Variants in AHCY observed in about 807,000 individuals in gnomAD.
AHCY encodes the protein adenosylhomocysteinase, also known as S-adenosyl-L-homocysteine hydrolase.
AHCY carries 24 observed loss-of-function variants against 45.4 expected under a neutral mutation model. The ratio of observed to expected loss-of-function variants is 0.53; its 90% confidence interval spans 0.38 to 0.74. The LOEUF (loss-of-function observed/expected upper bound fraction) is 0.74. Among genes scored for constraint, AHCY ranks in the 30% least tolerant of loss-of-function variants. The pLI is 0.00. For synonymous variants in AHCY, 245 were observed against 235.1 expected, an observed-to-expected ratio of 1.04 and a Z score of -0.39; for missense variants, 449 against 594.1, an observed-to-expected ratio of 0.76 and a Z score of 2.54.
chr20:34,259,997 C>T, the AHCY span, among the ~76,000 whole-genome samples: 1,334 of 152,134 alleles, frequency 8.8e-3, 7 homozygotes, highest in South Asian at 0.017. Flanking sequence ...TGAGGCCCTA[C>T]TGGGGGCCTT....
chr20:34,264,328 G>A, the AHCY span, among the ~76,000 whole-genome samples: 1 of 152,192 alleles, frequency 6.6e-6, no homozygotes, highest in African/African-American at 2.4e-5. Flanking sequence ...GCATGCTCAG[G>A]TGTTGCGAGT....
At position 34,290,310 on chromosome 20, in the gene AHCY, T is replaced by A; in HGVS notation, c.972+22A>T. On this transcript the variant is annotated intron_variant, in intron 8 of 9. Transcript: ENST00000217426. The surrounding 1 kb of genome is among the most constrained non-coding windows in gnomAD (Gnocchi z 4.5). Reference sequence around the variant, plus strand: ...CTGCACTCCCATCTGCCCAGCCCACTGGCAAGGCGGGAGCTTCTCACCTGC... The same window carrying A: ...CTGCACTCCCATCTGCCCAGCCCACAGGCAAGGCGGGAGCTTCTCACCTGC... 1 of 1,610,324 alleles carries A rather than the reference T, an allele frequency of 6.2e-7. No individual in the cohort carries two copies. Among genetic ancestry groups the A allele is most frequent in the East Asian group, 2.2e-5 (1 of 44,872 alleles).
the AHCY span, chr20:34,241,602 T>C: frequency 1.1e-6 from 1 of 936,076 alleles, no homozygotes. Context: ...AAACAGATTT[T>C]TTTGATTCAC....
rs979342358 is a variant in AHCY, at chr20:34,281,665, C to T, written c.1168-500G>A. 5 of 199,816 alleles carry T rather than the reference C, an allele frequency of 2.5e-5. No individual in the cohort carries two copies. The South Asian group carries it at 4.6e-4, about 18-fold the overall frequency. The allele number at this position is 199,816 out of a possible 1,614,324, so 12.4% of individuals were successfully genotyped here. On this transcript the variant is annotated intron_variant, in intron 9 of 9. Coordinates refer to ENST00000217426, the MANE Select transcript of AHCY (RefSeq NM_000687.4). Reference sequence around the variant, plus strand: ...ATCCTAGGTTTCCAGTGTTTGGATCCGAGAATAAAGTTCTTTTTTTTGTGA... The same window carrying T: ...ATCCTAGGTTTCCAGTGTTTGGATCTGAGAATAAAGTTCTTTTTTTTGTGA...
the AHCY span, among the ~76,000 whole-genome samples, chr20:34,263,675 C>CT: frequency 1.0e-4 from 13 of 126,326 alleles, no homozygotes; most frequent in Non-Finnish European, 1.6e-4. Flanking sequence ...TTTTTTTTTT[C>CT]TTTTTTTTTG....
the AHCY span, among the ~76,000 whole-genome samples, chr20:34,238,359 C>A: frequency 3.9e-5 from 6 of 152,020 alleles, no homozygotes; most frequent in Non-Finnish European, 7.4e-5. Context: ...TATTTATGTT[C>A]CTCAGACTCA....
the AHCY span, among the ~76,000 whole-genome samples, chr20:34,263,908 TG>T: frequency 6.6e-6 from 1 of 152,052 alleles, no homozygotes; most frequent in East Asian, 1.9e-4. Flanking sequence ...TGACCTCAGG[TG>T]ATCCACCTGC....
chr20:34,302,828 A>C (rs1275572498), intron 1 of AHCY: 2 of 985,244 alleles, frequency 2.0e-6, no homozygotes, highest in East Asian at 2.3e-4. Context: ...TCCCTGTAGG[A>C]GGCCCAGAGA....
the AHCY span, among the ~76,000 whole-genome samples, chr20:34,264,254 AAAC>A: frequency 2.0e-5 from 3 of 152,360 alleles, no homozygotes; most frequent in African/African-American, 7.2e-5. Flanking sequence ...ATAACTGTGT[AAAC>A]AACTGCAGTA....
intron 3 of AHCY, among the ~76,000 whole-genome samples, chr20:34,292,876 G>A (rs530241322): frequency 7.6e-4 from 116 of 152,194 alleles, no homozygotes; most frequent in African/African-American, 2.6e-3. Flanking sequence ...CCTTCTGCCT[G>A]GGCGCCAAGG....
chr20:34,236,654 C>T, the AHCY span, among the ~76,000 whole-genome samples: 1 of 152,146 alleles, frequency 6.6e-6, no homozygotes, highest in Non-Finnish European at 1.5e-5. Context: ...AGTTTGAAAC[C>T]AGCCTAGGCA....
At chr20:34,293,015 G>T (rs370502052) in intron 3 of AHCY, among the ~76,000 whole-genome samples, 11 of 151,712 alleles carry the variant, frequency 7.3e-5, no homozygotes, top group African/African-American at 2.7e-4. Context: ...GCCTCTGTGT[G>T]GGGGAATCTC....
chr20:34,273,208 C>T, the AHCY span, among the ~76,000 whole-genome samples: 3 of 144,244 alleles, frequency 2.1e-5, no homozygotes, highest in Non-Finnish European at 4.5e-5. Context: ...CACGCATTTG[C>T]CCTTGTGGTG....
chr20:34,245,862 A>G, the AHCY span: 8 of 834,054 alleles, frequency 9.6e-6, no homozygotes, highest in Non-Finnish European at 1.1e-5. Context: ...ATTCTACAGT[A>G]AATATATATA....
At position 34,301,527 on chromosome 20, in the gene AHCY, T is replaced by C. The variant is rs75630818; in HGVS notation, c.28+1716A>G. On this transcript the variant is annotated intron_variant, in intron 1 of 9. Transcript: ENST00000217426. ...AGTTTCTTCATCTGTAAAGTGTGGA[T>C]AATCATCCCTAGCTTGCTATGCGCC... Among the ~76,000 whole-genome samples the C allele has an allele frequency of 8.7e-3, 1,326 of 152,306 alleles. 22 individuals are homozygous for C. Among genetic ancestry groups the C allele is most frequent in the African/African-American group, 0.03 (1,263 of 41,548 alleles).
chr20:34,283,879 T>G (rs1376384795), intron 9 of AHCY, among the ~76,000 whole-genome samples: 2 of 152,142 alleles, frequency 1.3e-5, no homozygotes, highest in African/African-American at 4.8e-5. Context: ...GAAGGGATGG[T>G]ATGTAGACCC....
chr20:34,284,442 G>A (rs1463584357), intron 9 of AHCY, among the ~76,000 whole-genome samples: 1 of 152,156 alleles, frequency 6.6e-6, no homozygotes, highest in East Asian at 1.9e-4. Flanking sequence ...GATTACAGGT[G>A]TGAGCCACCG....
chr20:34,276,734 T>C (rs1293994927), downstream of AHCY, among the ~76,000 whole-genome samples: 2 of 152,022 alleles, frequency 1.3e-5, no homozygotes, highest in South Asian at 4.1e-4. Flanking sequence ...ACCAGATTTC[T>C]AGCAAAAGTC....
chr20:34,269,118 G>A, the AHCY span: 3 of 1,560,054 alleles, frequency 1.9e-6, no homozygotes, highest in African/African-American at 2.7e-5. Flanking sequence ...TGCCAGTGCC[G>A]CTTCTTCCGC....
Sources: allele counts gnomAD v4.1 joint callset (sites outside exome capture counted in the v4.1 genomes callset), GRCh38; gene constraint gnomAD v4.1.1; non-coding constraint Gnocchi (gnomAD v3.1); transcripts MANE v1.5; gene names NCBI Gene and HGNC (gene_info 2026-07-23, HGNC 2026-07-21).